The following ATP9A variants were observed in gnomAD, a reference collection of about 807,000 sequenced individuals.
ATP9A encodes the protein probable phospholipid-transporting ATPase IIA.
ATP9A carries 52 observed loss-of-function variants against 144.1 expected under a neutral mutation model. That is an observed-to-expected ratio of 0.36 (90% CI 0.29 to 0.45). ATP9A has a LOEUF of 0.45. ATP9A is among the 20% of genes least tolerant of loss of function. The pLI is 1.00. For synonymous variants in ATP9A, 582 were observed against 557.4 expected (o/e 1.04, Z -0.62); for missense variants, 947 against 1,392.7 (o/e 0.68, Z 5.09).
At chr20:51,641,894 C>A (rs2077320971) in intron 14 of ATP9A, among the ~76,000 whole-genome samples, 1 of 150,410 alleles carries the variant, frequency 6.6e-6, no homozygotes, top group African/African-American at 2.4e-5. Context: ...AAGTACCCCT[C>A]TCCCTATCAC....
chr20:51,719,165 G>A (rs995515307), intron 3 of ATP9A, among the ~76,000 whole-genome samples: 6 of 151,696 alleles, frequency 4.0e-5, no homozygotes, highest in Non-Finnish European at 8.8e-5. Flanking sequence ...CTTGAGAGAT[G>A]GGGTCTGGAG....
intron 4 of ATP9A, among the ~76,000 whole-genome samples, chr20:51,704,316 A>G (rs905848809): frequency 6.6e-6 from 1 of 151,784 alleles, no homozygotes; most frequent in Non-Finnish European, 1.5e-5. Context: ...ACACCCTTAC[A>G]GGGGGGAAAT....
chr20:51,613,195 C>A (rs111479901), intron 23 of ATP9A, among the ~76,000 whole-genome samples: 1,873 of 152,320 alleles, frequency 0.012, 14 homozygotes, highest in Non-Finnish European at 0.019. Context: ...AAAGTACATT[C>A]TTCTTTAGTG....
intron 3 of ATP9A, among the ~76,000 whole-genome samples, chr20:51,723,955 G>A (rs760797909): frequency 6.6e-6 from 1 of 152,204 alleles, no homozygotes. Flanking sequence ...TGGATCGCCT[G>A]AGGTCAGTCG....
chr20:51,698,287 G>A (rs1306599231), intron 4 of ATP9A, among the ~76,000 whole-genome samples: 1 of 152,220 alleles, frequency 6.6e-6, no homozygotes, highest in Non-Finnish European at 1.5e-5. Flanking sequence ...ACTTTGGAAG[G>A]CCGAAGCAGG....
At chr20:51,691,410 A>T (rs1208264427) in intron 7 of ATP9A, among the ~76,000 whole-genome samples, 2 of 152,238 alleles carry the variant, frequency 1.3e-5, no homozygotes, top group African/African-American at 4.8e-5. Context: ...TGAAGGTTGC[A>T]GTAAGCTGAG....
intron 14 of ATP9A, among the ~76,000 whole-genome samples, chr20:51,644,872 A>C (rs1420617722): frequency 6.6e-6 from 1 of 152,152 alleles, no homozygotes; most frequent in Non-Finnish European, 1.5e-5. Context: ...AAAGTCTGTG[A>C]TACTGGGCTT....
chr20:51,711,957 G>C (rs1327155404), intron 4 of ATP9A, among the ~76,000 whole-genome samples: 1 of 149,800 alleles, frequency 6.7e-6, no homozygotes, highest in Non-Finnish European at 1.5e-5. Flanking sequence ...CTAGGTTCAA[G>C]TGAGTCTCCT....
intron 26 of ATP9A, among the ~76,000 whole-genome samples, chr20:51,605,749 C>A (rs1361890546): frequency 6.6e-6 from 1 of 151,788 alleles, no homozygotes; most frequent in Non-Finnish European, 1.5e-5. Context: ...CCTGTCTCTA[C>A]TAGAAATACA....
At chr20:51,697,814 T>A (rs1233625703) in intron 4 of ATP9A, among the ~76,000 whole-genome samples, 1 of 152,160 alleles carries the variant, frequency 6.6e-6, no homozygotes, top group African/African-American at 2.4e-5. Flanking sequence ...TAACAGTGAC[T>A]TAGATGCAAA....
At chr20:51,683,858 G>C (rs6021377) in intron 9 of ATP9A, among the ~76,000 whole-genome samples, 79,699 of 151,598 alleles carry the variant, frequency 0.53, 21,681 homozygotes, top group African/African-American at 0.66. Flanking sequence ...ATTCCTTAAA[G>C]CAAGTATTTT....
intron 15 of ATP9A, among the ~76,000 whole-genome samples, chr20:51,637,367 G>A (rs943920751): frequency 1.4e-5 from 2 of 146,546 alleles, no homozygotes; most frequent in Admixed American, 6.9e-5. Flanking sequence ...GCTCACTTCG[G>A]CACTGACTGT....
intron 3 of ATP9A, among the ~76,000 whole-genome samples, chr20:51,716,671 A>G (rs988749921): frequency 3.3e-5 from 5 of 152,088 alleles, no homozygotes; most frequent in African/African-American, 1.2e-4. Flanking sequence ...CAAAAAATTT[A>G]AAACTTAACA....
intron 4 of ATP9A, among the ~76,000 whole-genome samples, chr20:51,701,152 C>A (rs1044650051): frequency 2.0e-5 from 3 of 152,148 alleles, no homozygotes; most frequent in Non-Finnish European, 2.9e-5. Flanking sequence ...AATGATCACA[C>A]CCGGGTTCAG....
In ATP9A at chr20:51,656,960, T is replaced by C. The variant is rs1399631127; in HGVS notation, c.1484A>G (p.Tyr495Cys). The C allele has an allele frequency of 6.2e-7, 1 of 1,614,026 alleles. No homozygotes were observed. The highest frequency in any genetic ancestry group is 8.5e-7 in the Non-Finnish European group (1 of 1,180,002). The stretch of plus-strand genomic sequence containing the variant: ...TACCTCATCGGGGCTGGATGCCTGG[T>C]ATACGCGGCAGGAGTCTTCGTACTG... ...EKQYEDSCRV[Y>C]QASSPDEVAL... Residue 495 changes from tyrosine to cysteine, a missense_variant, in exon 14 of 28, where the codon TAC (tyrosine) becomes TGC (cysteine). This residue lies in a region of ATP9A where 770 missense variants were observed against 1,047.9 expected (regional missense o/e 0.73). Coordinates refer to ENST00000338821, the MANE Select transcript of ATP9A (RefSeq NM_006045.3).
At position 51,729,932 on chromosome 20, in the gene ATP9A, G is replaced by C; in HGVS notation, c.115C>G (p.Arg39Gly). The change falls in exon 2 of 28, where the codon CGC becomes GGC. Residue 39 changes from arginine to glycine, a missense_variant. By Grantham distance (125) the Arg-to-Gly change is moderately radical (BLOSUM62 -2). This residue lies in a region of ATP9A where 770 missense variants were observed against 1,047.9 expected (regional missense o/e 0.73). Transcript: ENST00000338821. ...RCCGGGEARP[R>G]TVWLGHPEKR... ...TCGGGGTGCCCCAGCCAGACAGTGC[G>C]GGGCCTGGCCTCCCCTCCACCGCAG... The C allele has an allele frequency of 6.3e-7, 1 of 1,593,284 alleles. No individual in the cohort carries two copies. The highest frequency in any genetic ancestry group is 8.5e-7 in the Non-Finnish European group (1 of 1,173,146).
chr20:51,619,104 C>G (rs1826239021), intron 19 of ATP9A, 61 bp from the exon 20 acceptor site: 1 of 1,456,964 alleles, frequency 6.9e-7, no homozygotes, highest in African/African-American at 1.4e-5. Context: ...GAACAACAAA[C>G]AGTGGCTTCC....
At chr20:51,638,488 G>C (rs1043824478) in intron 15 of ATP9A, among the ~76,000 whole-genome samples, 8 of 152,034 alleles carry the variant, frequency 5.3e-5, no homozygotes, top group African/African-American at 1.9e-4. Context: ...GCAGACTGCA[G>C]AACAACCAGA....
chr20:51,742,071 C>T (rs1381114909), intron 1 of ATP9A, among the ~76,000 whole-genome samples: 2 of 152,138 alleles, frequency 1.3e-5, no homozygotes, highest in East Asian at 3.8e-4. Flanking sequence ...CACCTGTCAT[C>T]CCAACACTTT....
Sources: gnomAD v4.1 joint callset for allele counts (sites outside exome capture counted in the v4.1 genomes callset) on GRCh38, gnomAD v4.1.1 for gene constraint, gnomAD v4.1.1 regional missense constraint, MANE v1.5 for transcripts, NCBI Gene and HGNC (gene_info 2026-07-23, HGNC 2026-07-21) for gene names.